The following UBAC2 variants were observed in gnomAD, a reference collection of about 807,000 sequenced individuals.
UBAC2 encodes UBA domain containing 2.
A neutral mutation model predicts 44.0 loss-of-function variants in UBAC2; 26 were observed. That is an observed-to-expected ratio of 0.59 (90% CI 0.43 to 0.82). UBAC2 has a LOEUF of 0.82. Ranked by LOEUF, UBAC2 falls within the 40% of genes least tolerant of loss-of-function variation. The pLI is 0.00. For synonymous variants in UBAC2, 155 were observed against 154.3 expected (o/e 1.00, Z -0.04); for missense variants, 329 against 419.4 (o/e 0.78, Z 1.88).
chr13:99,304,995 A>T (rs768971461), intron 4 of UBAC2, among the ~76,000 whole-genome samples: 13 of 152,240 alleles, frequency 8.5e-5, no homozygotes, highest in African/African-American at 1.2e-4. Context: ...AGAGATGTTG[A>T]TTCAAATGAA....
chr13:99,301,464 A>G (rs1461270177), intron 4 of UBAC2, among the ~76,000 whole-genome samples: 1 of 152,224 alleles, frequency 6.6e-6, no homozygotes. Flanking sequence ...TTTCTTCCTC[A>G]GCAAAATATC....
intron 4 of UBAC2, among the ~76,000 whole-genome samples, chr13:99,307,645 T>C (rs1433775262): frequency 6.6e-6 from 1 of 152,184 alleles, no homozygotes; most frequent in East Asian, 1.9e-4. Flanking sequence ...ACTTTATAAA[T>C]TTTTCTGTAA....
intron 8 of UBAC2, chr13:99,372,125 A>C (rs918042866): frequency 3.9e-5 from 6 of 152,272 alleles, no homozygotes; most frequent in African/African-American, 1.4e-4. Context: ...GTGCCAAGCC[A>C]CACAGTGCGC....
rs147485996 is a variant in UBAC2, at chr13:99,293,138, T to C, written c.390-20959T>C. Among the ~76,000 whole-genome samples, 37 of 152,292 alleles carry C rather than the reference T, an allele frequency of 2.4e-4. 1 individual carries two copies. Among genetic ancestry groups the C allele is most frequent in the African/African-American group, 8.9e-4 (37 of 41,564 alleles). On this transcript the variant is annotated intron_variant, in intron 4 of 8. Coordinates refer to ENST00000403766, the MANE Select transcript of UBAC2 (RefSeq NM_001144072.2). ...TTGGAGATAGGATTAGAGTTTACCT[T>C]TTTGGCAGTATGGTTGCTGATGACT...
At chr13:99,374,527 GGT>G (rs1417726049) in intron 8 of UBAC2, among the ~76,000 whole-genome samples, 1 of 152,158 alleles carries the variant, frequency 6.6e-6, no homozygotes, top group Non-Finnish European at 1.5e-5. Flanking sequence ...AAACCCACAA[GGT>G]GCTTTCACTC....
chr13:99,298,359 GA>G (rs1478739856), intron 4 of UBAC2, among the ~76,000 whole-genome samples: 2 of 152,074 alleles, frequency 1.3e-5, no homozygotes, highest in Non-Finnish European at 2.9e-5. Context: ...AAAGATAAAG[GA>G]TAAGTTTGGA....
intron 1 of UBAC2, among the ~76,000 whole-genome samples, chr13:99,203,974 G>A (rs1231407027): frequency 1.3e-5 from 2 of 152,194 alleles, no homozygotes; most frequent in African/African-American, 4.8e-5. Flanking sequence ...GGGTAAAAGT[G>A]CGTAGGATTA....
At chr13:99,298,831 G>A (rs1412716961) in intron 4 of UBAC2, among the ~76,000 whole-genome samples, 1 of 152,118 alleles carries the variant, frequency 6.6e-6, no homozygotes, top group African/African-American at 2.4e-5. Flanking sequence ...CAAGAGAGAG[G>A]TGAAAATTCC....
intron 4 of UBAC2, among the ~76,000 whole-genome samples, chr13:99,287,640 TTTC>T: frequency 1.2e-5 from 1 of 83,668 alleles, no homozygotes; most frequent in African/African-American, 3.7e-5. Flanking sequence ...TTTTTTTTTC[TTTC>T]TTTTTTTTTT....
At chr13:99,335,188 A>C (rs1566508089) in intron 6 of UBAC2, among the ~76,000 whole-genome samples, 1 of 152,230 alleles carries the variant, frequency 6.6e-6, no homozygotes, top group African/African-American at 2.4e-5. Context: ...GAAAAATAAA[A>C]ATGTTTAATT....
At position 99,295,773 on chromosome 13, in the gene UBAC2, G is replaced by A; in HGVS notation, c.390-18324G>A. On this transcript the variant is annotated intron_variant, in intron 4 of 8. Coordinates refer to ENST00000403766, the MANE Select transcript of UBAC2 (RefSeq NM_001144072.2). This position sits in a 1 kb window ranked among gnomAD's most constrained non-coding sequence, Gnocchi z 4.1. ...ACAGCAATGAAGCGGTCAATACTCA[G>A]GCAGGTCATAAAGTTCACACCTGCA... The A allele has an allele frequency of 6.2e-7, 1 of 1,613,990 alleles. No homozygotes were observed. The highest frequency in any genetic ancestry group is 8.5e-7 in the Non-Finnish European group (1 of 1,179,928).
chr13:99,350,502 C>G (rs1354770381), intron 7 of UBAC2, among the ~76,000 whole-genome samples: 1 of 152,204 alleles, frequency 6.6e-6, no homozygotes, highest in Non-Finnish European at 1.5e-5. Context: ...ATAAAACCCC[C>G]AAAGGACAGG....
intron 4 of UBAC2, among the ~76,000 whole-genome samples, chr13:99,246,140 T>G (rs2043380559): frequency 6.6e-6 from 1 of 152,248 alleles, no homozygotes; most frequent in African/African-American, 2.4e-5. Flanking sequence ...TCTAATAGCT[T>G]TCGTACCTGC....
At chr13:99,213,621 G>T (rs190607738) in intron 1 of UBAC2, among the ~76,000 whole-genome samples, 198 of 151,900 alleles carry the variant, frequency 1.3e-3, no homozygotes, top group African/African-American at 4.3e-3. Context: ...CAGCCTCCCA[G>T]AGTGCTGGGA....
At chr13:99,346,646 C>G (rs2044987177) in intron 7 of UBAC2, among the ~76,000 whole-genome samples, 1 of 152,142 alleles carries the variant, frequency 6.6e-6, no homozygotes, top group Non-Finnish European at 1.5e-5. Flanking sequence ...ATCATTTTCA[C>G]TTGTCTAGCT....
chr13:99,363,296 A>C (rs1226259650), intron 7 of UBAC2, among the ~76,000 whole-genome samples: 1 of 152,234 alleles, frequency 6.6e-6, no homozygotes. Flanking sequence ...ATTTCTTCAA[A>C]ATAGTCATGC....
intron 4 of UBAC2, among the ~76,000 whole-genome samples, chr13:99,246,047 T>C (rs1280828104): frequency 1.3e-5 from 2 of 152,236 alleles, no homozygotes; most frequent in Non-Finnish European, 2.9e-5. Context: ...ATTTTAAATA[T>C]ATGTTTTGAG....
chr13:99,246,583 C>G (rs1420372491), intron 4 of UBAC2, among the ~76,000 whole-genome samples: 2 of 152,174 alleles, frequency 1.3e-5, no homozygotes, highest in Non-Finnish European at 2.9e-5. Flanking sequence ...GTCTCCTTGT[C>G]TTCTTTTTCC....
intron 7 of UBAC2, among the ~76,000 whole-genome samples, chr13:99,364,633 A>G (rs2045307551): frequency 6.6e-6 from 1 of 152,142 alleles, no homozygotes; most frequent in Non-Finnish European, 1.5e-5. Context: ...TTTGGTGGGT[A>G]GATTTTTAAG....
Sources: allele counts gnomAD v4.1 joint callset (sites outside exome capture counted in the v4.1 genomes callset), GRCh38; gene constraint gnomAD v4.1.1; non-coding constraint Gnocchi (gnomAD v3.1); transcripts MANE v1.5; gene names NCBI Gene and HGNC (gene_info 2026-07-23, HGNC 2026-07-21).